PAK1: variants seen among roughly 807,000 people sequenced by gnomAD.
PAK1 encodes serine/threonine-protein kinase PAK 1.
Under a neutral mutation model 67.4 loss-of-function variants are expected in PAK1, and 29 were observed. The observed-to-expected ratio is 0.43, with a 90% CI of 0.32 to 0.59. PAK1 has a LOEUF of 0.59. Ranked by LOEUF, PAK1 falls within the 20% of genes least tolerant of loss-of-function variation. PAK1 has a pLI of 0.07. For missense variants in PAK1, 337 were observed against 670.7 expected, an observed-to-expected ratio of 0.50 and a Z score of 5.50; for synonymous variants, 223 against 237.4, an observed-to-expected ratio of 0.94 and a Z score of 0.56.
At chr11:77,508,159 A>T in the PAK1 span, among the ~76,000 whole-genome samples, 1 of 152,186 alleles carries the variant, frequency 6.6e-6, no homozygotes, top group South Asian at 2.1e-4. Context: ...TTCATTTGTG[A>T]TGGTGCATAT....
At chr11:77,325,331 C>A in intron 14 of PAK1, 1 of 1,613,834 alleles carries the variant, frequency 6.2e-7, no homozygotes. Context: ...TACTTACCAG[C>A]TATCATGGAA....
intron 1 of PAK1, among the ~76,000 whole-genome samples, chr11:77,400,458 A>T (rs1952524112): frequency 6.6e-6 from 1 of 152,208 alleles, no homozygotes; most frequent in Non-Finnish European, 1.5e-5. Context: ...GATGACAATG[A>T]GAAAAGAGGT....
intron 1 of PAK1, among the ~76,000 whole-genome samples, chr11:77,433,941 G>C (rs1955984695): frequency 6.6e-6 from 1 of 152,122 alleles, no homozygotes. Flanking sequence ...ATATGAGACA[G>C]ATACCATTTC....
In PAK1 at chr11:77,328,105, C is replaced by A. The variant is rs1473033954; in HGVS notation, c.1551+4625G>T. ...GCTAACTATCCTAAATATATATGCA[C>A]CCAATACAGGAGCACCCAGATTCAT... On this transcript the variant is annotated intron_variant, in intron 14 of 14. Coordinates refer to ENST00000356341, the MANE Select transcript of PAK1 (RefSeq NM_002576.5). Among the ~76,000 whole-genome samples the A allele has an allele frequency of 5.9e-5, 9 of 151,712 alleles. No homozygotes were observed. The East Asian group carries it at 1.7e-3, about 29-fold the overall frequency.
rs1028092706 is a variant in PAK1, at chr11:77,443,180, G to A, written c.-22+30372C>T. ...TCTACTAAAAATACAAAAATTAGCC[G>A]GGTGTGGTAGCGCACGCCTGTAGTC... On this transcript the variant is annotated intron_variant, in intron 1 of 14. Transcript: ENST00000356341. Among the ~76,000 whole-genome samples the A allele has an allele frequency of 4.6e-5, 7 of 151,816 alleles. No individual in the cohort carries two copies. The South Asian group carries it at 6.3e-4, about 14-fold the overall frequency.
intron 7 of PAK1, 50 bp downstream of exon 7, chr11:77,355,618 T>C (rs372694905): frequency 2.4e-5 from 35 of 1,481,432 alleles, no homozygotes; most frequent in Non-Finnish European, 3.0e-5. Flanking sequence ...ATCTCTGTGC[T>C]TGACCAGTCA....
rs558024154 is a variant in PAK1 at position 77,340,632 on chromosome 11, G to T, written c.1116+14C>A. On this transcript the variant is annotated intron_variant, in intron 11 of 14. Transcript: ENST00000356341. Reference sequence around the variant, plus strand: ...GCAGCTTTCTACCCAAGACTGCTTGGCCCTTGGCCTTACCTCACGGCACAC... The same window carrying T: ...GCAGCTTTCTACCCAAGACTGCTTGTCCCTTGGCCTTACCTCACGGCACAC... 15 of 1,324,240 alleles carry T rather than the reference G, an allele frequency of 1.1e-5. No homozygotes were observed. Among genetic ancestry groups the T allele is most frequent in the Non-Finnish European group, 1.6e-5 (15 of 914,842 alleles). 82.0% of individuals were successfully genotyped at this position (1,324,240 alleles called of 1,614,324 possible). A position where few individuals can be genotyped will look rare whatever the true frequency, so the allele number is the denominator to read the frequency against.
chr11:77,354,091 T>C (rs1453869483), intron 7 of PAK1, among the ~76,000 whole-genome samples: 1 of 152,170 alleles, frequency 6.6e-6, no homozygotes, highest in African/African-American at 2.4e-5. Flanking sequence ...AGGTGATATA[T>C]GGACTGATTT....
intron 1 of PAK1, among the ~76,000 whole-genome samples, chr11:77,416,749 C>A (rs569471498): frequency 1.3e-5 from 2 of 152,148 alleles, no homozygotes; most frequent in Non-Finnish European, 1.5e-5. Context: ...GTCAGGAGAT[C>A]AAGACCATCC....
At chr11:77,342,834 C>A (rs544364692) in intron 10 of PAK1, among the ~76,000 whole-genome samples, 132 of 151,442 alleles carry the variant, frequency 8.7e-4, no homozygotes, top group South Asian at 7.7e-3. Flanking sequence ...AAGATTTAGT[C>A]CAATTTCACC....
At chr11:77,419,292 A>G (rs2138162705) in intron 1 of PAK1, among the ~76,000 whole-genome samples, 1 of 152,370 alleles carries the variant, frequency 6.6e-6, no homozygotes, top group Non-Finnish European at 1.5e-5. Flanking sequence ...TGCTGAAGTT[A>G]TACAAGTTAG....
intron 5 of PAK1, among the ~76,000 whole-genome samples, chr11:77,370,770 G>A (rs1177386519): frequency 6.6e-6 from 1 of 152,094 alleles, no homozygotes; most frequent in Non-Finnish European, 1.5e-5. Context: ...AAGAGAGATG[G>A]GCACATGAAT....
chr11:77,480,199 T>C, the PAK1 span, among the ~76,000 whole-genome samples: 1 of 152,116 alleles, frequency 6.6e-6, no homozygotes, highest in African/African-American at 2.4e-5. Context: ...CTGCATGGAA[T>C]TTTCTTCCCC....
chr11:77,347,800 T>TA (rs1263555797), intron 9 of PAK1, among the ~76,000 whole-genome samples: 1 of 152,242 alleles, frequency 6.6e-6, no homozygotes, highest in African/African-American at 2.4e-5. Context: ...ATGTAGTTCA[T>TA]AAAGTTTATA....
chr11:77,428,391 G>A (rs1175730345), intron 1 of PAK1, among the ~76,000 whole-genome samples: 9 of 151,852 alleles, frequency 5.9e-5, no homozygotes, highest in East Asian at 1.9e-4. Context: ...GTGAAACCCC[G>A]TTGCTACTAA....
intron 1 of PAK1, among the ~76,000 whole-genome samples, chr11:77,464,416 C>T (rs1957497849): frequency 1.3e-5 from 2 of 152,204 alleles, no homozygotes; most frequent in South Asian, 4.1e-4. Flanking sequence ...CTGCAACTGT[C>T]CACTTGTATA....
intron 1 of PAK1, among the ~76,000 whole-genome samples, chr11:77,403,069 T>G (rs1952933796): frequency 6.6e-6 from 1 of 152,246 alleles, no homozygotes; most frequent in Admixed American, 6.5e-5. Flanking sequence ...AAGAGGCTTC[T>G]CTACAAGCCC....
At chr11:77,523,678 A>G in the PAK1 span, among the ~76,000 whole-genome samples, 4 of 152,160 alleles carry the variant, frequency 2.6e-5, no homozygotes, top group Non-Finnish European at 5.9e-5. Flanking sequence ...TTGACCTCCC[A>G]AAGTGCTGGG....
At chr11:77,517,865 T>C in the PAK1 span, among the ~76,000 whole-genome samples, 1 of 152,106 alleles carries the variant, frequency 6.6e-6, no homozygotes, top group African/African-American at 2.4e-5. Context: ...GATCCCTTCC[T>C]TGCCCACTTC....
Sources: gnomAD v4.1 joint callset for allele counts (sites outside exome capture counted in the v4.1 genomes callset) on GRCh38, gnomAD v4.1.1 for gene constraint, MANE v1.5 for transcripts, NCBI Gene and HGNC (gene_info 2026-07-23, HGNC 2026-07-21) for gene names.